Variants in TOR4A observed in about 807,000 individuals in gnomAD.
TOR4A encodes the protein torsin-4A.
Under a neutral mutation model 11.5 loss-of-function variants are expected in TOR4A, and 12 were observed. That is an observed-to-expected ratio of 1.04 (90% CI 0.67 to 1.69). TOR4A has a LOEUF of 1.69. Among genes scored for constraint, TOR4A ranks in the 40% most tolerant of loss-of-function variants. TOR4A has a pLI of 0.00. For synonymous variants in TOR4A, 362 were observed against 307.4 expected (o/e 1.18, Z -1.86); for missense variants, 640 against 643.2 (o/e 0.99, Z 0.05).
In TOR4A at chr9:137,278,996, C is replaced by T. The variant is rs1183498289; in HGVS notation, c.307C>T (p.Pro103Ser). ...KRRRSRLVLY[P>S]ETSRKYRPRV... ...CCGGCGCAGCCGCCTGGTGCTTTAC[C>T]CGGAGACCTCGCGCAAGTATCGGCC... is the stretch of plus-strand genomic sequence containing the variant. The change falls in exon 2 of 2, where the codon CCG becomes TCG. Residue 103 changes from proline (P) to serine (S), a missense_variant. Transcript: ENST00000357503. 2 of 1,606,748 alleles carry T rather than the reference C, an allele frequency of 1.2e-6. No homozygotes were observed. Among genetic ancestry groups the T allele is most frequent in the Non-Finnish European group, 1.7e-6 (2 of 1,177,580 alleles).
chr9:137,279,693 A>C lies in TOR4A; in HGVS notation c.1004A>C (p.Gln335Pro). 1 of 1,569,392 alleles carries C rather than the reference A, an allele frequency of 6.4e-7. No homozygotes were observed. Among genetic ancestry groups the C allele is most frequent in the South Asian group, 1.1e-5 (1 of 88,078 alleles). Reference protein sequence around the residue: ...GFRSAEAAAAQAEEDLRASLL... With the variant: ...GFRSAEAAAAPAEEDLRASLL... ...CGCAGTGCCGAGGCCGCAGCGGCGC[A>C]GGCGGAAGAAGACCTGCGCGCCAGC... Residue 335 changes from glutamine to proline, a missense_variant, in exon 2 of 2, where the codon CAG becomes CCG. Physicochemically the swap from Gln to Pro is moderately conservative, Grantham distance 76. Coordinates refer to ENST00000357503, the MANE Select transcript of TOR4A (RefSeq NM_017723.3).
At position 137,280,220 on chromosome 9, in the gene TOR4A, T is replaced by G; in HGVS notation, c.*259T>G. 1 of 574,284 alleles carries G rather than the reference T, an allele frequency of 1.7e-6. No homozygotes were observed. The highest frequency in any genetic ancestry group is 3.2e-6 in the Non-Finnish European group (1 of 314,470). 35.6% of individuals were successfully genotyped at this position (574,284 alleles called of 1,614,324 possible). ...GCTGGGCGTCCCAGGCATGGTCTGGTGCGTTCTCCCTGTGGCCCCAAGAGG... is the reference window on the plus strand; with the variant it reads ...GCTGGGCGTCCCAGGCATGGTCTGGGGCGTTCTCCCTGTGGCCCCAAGAGG... On this transcript the variant is annotated 3_prime_UTR_variant, in exon 2 of 2. Transcript: ENST00000357503.
chr9:137,278,969 C>G lies in TOR4A; in HGVS notation c.280C>G (p.Arg94Gly), dbSNP rs1051590759. 1.1e-5 allele frequency: 17 copies of G among 1,605,340 alleles called. No individual in the cohort carries two copies. In the African/African-American group the frequency reaches 1.9e-4, roughly 18 times the overall value. ...ACCCTCCAGGACGCCACGCAAGAAG[C>G]GCCGGCGCAGCCGCCTGGTGCTTTA... ...ELPSRTPRKK[R>G]RRSRLVLYPE... The change falls in exon 2 of 2, where the codon CGC (arginine) becomes GGC (glycine). Residue 94 changes from arginine (R) to glycine (G), a missense_variant. By Grantham distance (125) the Arg-to-Gly change is moderately radical. Coordinates refer to ENST00000357503, the MANE Select transcript of TOR4A (RefSeq NM_017723.3).
In TOR4A at chr9:137,279,354, T is replaced by G; in HGVS notation, c.665T>G (p.Leu222Arg). 1 of 1,529,672 alleles carries G rather than the reference T, an allele frequency of 6.5e-7. No homozygotes were observed. Among genetic ancestry groups the G allele is most frequent in the Non-Finnish European group, 8.8e-7 (1 of 1,141,608 alleles). The allele number at this position is 1,529,672 out of a possible 1,614,324, so 94.8% of individuals were successfully genotyped here. A position where few individuals can be genotyped will look rare whatever the true frequency, so the allele number is the denominator to read the frequency against. ...RSVLEDSALV[L>R]QYHARHHCPE... is the part of the protein sequence containing the mutation. ...GTGCTGGAGGACAGCGCGCTCGTGC[T>G]GCAATACCATGCGCGGCACCACTGC... The change falls in exon 2 of 2, where the codon CTG (leucine) becomes CGG (arginine). Residue 222 changes from leucine to arginine, a missense_variant. Coordinates refer to ENST00000357503, the MANE Select transcript of TOR4A (RefSeq NM_017723.3).
At position 137,279,422 on chromosome 9, in the gene TOR4A, C is replaced by G; in HGVS notation, c.733C>G (p.Arg245Gly). ...ACAGGACTGCCGCGAGGAGCTGGCG[C>G]GGCGCGTGGCCGACGTGGTGGCGCG... Reference protein sequence around the residue: ...AAQDCREELARRVADVVARAE... With the variant: ...AAQDCREELAGRVADVVARAE... Residue 245 changes from arginine (R) to glycine (G), a missense_variant, in exon 2 of 2, where the codon CGG becomes GGG. Physicochemically the swap from Arg to Gly is moderately radical, Grantham distance 125. Transcript: ENST00000357503. The G allele has an allele frequency of 1.3e-6, 2 of 1,534,424 alleles. No homozygotes were observed. Among genetic ancestry groups the G allele is most frequent in the Non-Finnish European group, 8.8e-7 (1 of 1,140,936 alleles).
At position 137,278,962 on chromosome 9, in the gene TOR4A, C is replaced by G; in HGVS notation, c.273C>G (p.Arg91=). The change falls in exon 2 of 2, where the codon CGC becomes CGG. Residue 91 remains arginine, a synonymous_variant. Coordinates refer to ENST00000357503, the MANE Select transcript of TOR4A (RefSeq NM_017723.3). ...CGGAGCTACCCTCCAGGACGCCACG[C>G]AAGAAGCGCCGGCGCAGCCGCCTGG... The part of the protein sequence containing the change: ...SPAELPSRTP[R]KKRRRSRLVL... 1.2e-6 allele frequency: 2 copies of G among 1,605,236 alleles called. No homozygotes were observed. The highest frequency in any genetic ancestry group is 1.7e-6 in the Non-Finnish European group (2 of 1,178,042).
Position 137,279,452 on chromosome 9 carries a change from G to A in TOR4A, c.763G>A (p.Glu255Lys), listed in dbSNP as rs1396163658. 3.2e-5 allele frequency: 50 copies of A among 1,543,046 alleles called. No homozygotes were observed. The Admixed American group carries it at 9.8e-4, about 30-fold the overall frequency. The change falls in exon 2 of 2, where the codon GAA (glutamate) becomes AAA (lysine). Residue 255 changes from glutamate (E) to lysine (K), a missense_variant. Coordinates refer to ENST00000357503, the MANE Select transcript of TOR4A (RefSeq NM_017723.3). ...CGTGGCCGACGTGGTGGCGCGGGCC[G>A]AAGCGGAGGAGAAGACCCCACTCTT... ...RRVADVVARA[E>K]AEEKTPLLVL...
intron 1 of TOR4A, 38 bp from the exon 2 acceptor site, chr9:137,278,615 G>A: frequency 8.3e-7 from 1 of 1,202,456 alleles, no homozygotes; most frequent in Non-Finnish European, 1.0e-6. Context: ...AAGGGCAGTG[G>A]CGGGAGTCCA....
In TOR4A at chr9:137,281,889, T is replaced by A. The variant is rs1830724354; in HGVS notation, c.*1928T>A. The A allele has an allele frequency of 6.0e-6, 1 of 167,110 alleles. No homozygotes were observed. The highest frequency in any genetic ancestry group is 2.1e-4 in the South Asian group (1 of 4,826). 10.4% of individuals were successfully genotyped at this position (167,110 alleles called of 1,614,324 possible). On this transcript the variant is annotated 3_prime_UTR_variant, in exon 2 of 2. Coordinates refer to ENST00000357503, the MANE Select transcript of TOR4A (RefSeq NM_017723.3). ...CCCACCTCTCCCAGGCGAGTATCTG[T>A]CCCAGGAGCCCACACAGAGGGACAC...
Position 137,280,132 on chromosome 9 carries a change from G to C in TOR4A, c.*171G>C, listed in dbSNP as rs562161645. The stretch of plus-strand genomic sequence containing the variant: ...CAGGTCCACACCCGCCTCAGAGTCC[G>C]GAGTCTGTCCCTGGGGGCGGCAGGA... On this transcript the variant is annotated 3_prime_UTR_variant, in exon 2 of 2. Coordinates refer to ENST00000357503, the MANE Select transcript of TOR4A (RefSeq NM_017723.3). 1.3e-5 allele frequency: 10 copies of C among 766,520 alleles called. No homozygotes were observed. The highest frequency in any genetic ancestry group is 1.7e-5 in the Non-Finnish European group (8 of 478,668). The allele number at this position is 766,520 out of a possible 1,614,324, so 47.5% of individuals were successfully genotyped here.
In TOR4A at chr9:137,279,808, C is replaced by G. The variant is rs760448708; in HGVS notation, c.1119C>G (p.Ser373Arg). The change falls in exon 2 of 2, where the codon AGC (serine) becomes AGG (arginine). Residue 373 changes from serine (S) to arginine (R), a missense_variant. Ser to Arg is a moderately radical substitution (Grantham distance 110). Transcript: ENST00000357503. ...FLLLDKRDVV[S>R]CFRDEMAGEG... ...TGCTGGACAAGCGGGATGTGGTCAG[C>G]TGCTTCCGGGACGAGATGGCGGGTG... is the stretch of plus-strand genomic sequence containing the variant. The G allele has an allele frequency of 2.5e-6, 4 of 1,597,940 alleles. 1 individual carries two copies. In the South Asian group the frequency reaches 4.5e-5, roughly 18 times the overall value.
At position 137,279,077 on chromosome 9, in the gene TOR4A, G is replaced by A; in HGVS notation, c.388G>A (p.Val130Met). 2 of 1,603,534 alleles carry A rather than the reference G, an allele frequency of 1.2e-6. 1 individual carries two copies. Among genetic ancestry groups the A allele is most frequent in the Middle Eastern group, 3.3e-4 (2 of 6,042 alleles). Residue 130 changes from valine (V) to methionine (M), a missense_variant, in exon 2 of 2, where the codon GTG becomes ATG. Coordinates refer to ENST00000357503, the MANE Select transcript of TOR4A (RefSeq NM_017723.3). Reference sequence around the variant, plus strand: ...CTGCCTTCTGCTGCTAGTCGCCATCGTGGGCTTCCAAGTTCTCAACGCTAT... The same window carrying A: ...CTGCCTTCTGCTGCTAGTCGCCATCATGGGCTTCCAAGTTCTCAACGCTAT... ...QRCLLLLVAI[V>M]GFQVLNAIEN...
At position 137,278,954 on chromosome 9, in the gene TOR4A, A is replaced by T. The variant is rs774004983; in HGVS notation, c.265A>T (p.Thr89Ser). The T allele has an allele frequency of 5.6e-6, 9 of 1,604,084 alleles. No individual in the cohort carries two copies. The highest frequency in any genetic ancestry group is 7.6e-6 in the Non-Finnish European group (9 of 1,178,028). The part of the protein sequence containing the change: ...FDSPAELPSR[T>S]PRKKRRRSRL... ...CAGCCCCGCGGAGCTACCCTCCAGG[A>T]CGCCACGCAAGAAGCGCCGGCGCAG... is the stretch of plus-strand genomic sequence containing the variant. Residue 89 changes from threonine (T) to serine (S), a missense_variant, in exon 2 of 2, where the codon ACG (threonine) becomes TCG (serine). Physicochemically the swap from Thr to Ser is moderately conservative, Grantham distance 58. Coordinates refer to ENST00000357503, the MANE Select transcript of TOR4A (RefSeq NM_017723.3).
chr9:137,278,258 G>A (rs1830667664), intron 1 of TOR4A, among the ~76,000 whole-genome samples: 1 of 152,176 alleles, frequency 6.6e-6, no homozygotes, highest in Non-Finnish European at 1.5e-5. Context: ...GCCCAGTCCA[G>A]TGGGAGCCGC....
rs1340569926 is a variant in TOR4A at position 137,279,731 on chromosome 9, C to G, written c.1042C>G (p.Leu348Val). 1.3e-6 allele frequency: 2 copies of G among 1,576,662 alleles called. No individual in the cohort carries two copies. Among genetic ancestry groups the G allele is most frequent in the African/African-American group, 1.3e-5 (1 of 74,636 alleles). The change falls in exon 2 of 2, where the codon CTG (leucine) becomes GTG (valine). Residue 348 changes from leucine (L) to valine (V), a missense_variant. Physicochemically the swap from Leu to Val is conservative, Grantham distance 32. Transcript: ENST00000357503. ...CCTGCGCGCCAGCCTGCTGGCTGTG[C>G]TGTCCCGGGAGCATCCGCTGTGGCA... ...EDLRASLLAV[L>V]SREHPLWQAA...
In TOR4A at chr9:137,278,846, G is replaced by T; in HGVS notation, c.157G>T (p.Val53Phe). The change falls in exon 2 of 2, where the codon GTC (valine) becomes TTC (phenylalanine). Residue 53 changes from valine to phenylalanine, a missense_variant. Val to Phe is a conservative substitution (Grantham distance 50). Transcript: ENST00000357503. ...RLLQPGGGPD[V>F]GTGAPRPGCS... ...CCTGCAGCCGGGTGGGGGGCCCGACGTCGGGACCGGGGCGCCCAGGCCGGG... is the reference window on the plus strand; with the variant it reads ...CCTGCAGCCGGGTGGGGGGCCCGACTTCGGGACCGGGGCGCCCAGGCCGGG... 6.6e-7 allele frequency: 1 copy of T among 1,506,104 alleles called. No individual in the cohort carries two copies. Among genetic ancestry groups the T allele is most frequent in the Non-Finnish European group, 8.8e-7 (1 of 1,136,338 alleles). 93.3% of individuals were successfully genotyped at this position (1,506,104 alleles called of 1,614,324 possible).
rs1830714502 is a variant in TOR4A at position 137,281,245 on chromosome 9, T to TCGAGGTGGGGGCACCGC, written c.*1285_*1301dup. On this transcript the variant is annotated 3_prime_UTR_variant, in exon 2 of 2. Coordinates refer to ENST00000357503, the MANE Select transcript of TOR4A (RefSeq NM_017723.3). ...GGTTTCACGCCGGTGCGGGGCGCCG[T>TCGAGGTGGGGGCACCGC]CGAGGTGGGGGCACCGCGAAGGTGG... is the stretch of plus-strand genomic sequence containing the variant. 6.0e-6 allele frequency: 1 copy of TCGAGGTGGGGGCACCGC among 165,364 alleles called. No homozygotes were observed. The allele number at this position is 165,364 out of a possible 1,614,324, so 10.2% of individuals were successfully genotyped here.
Position 137,281,897 on chromosome 9 carries a change from G to A in TOR4A, c.*1936G>A, listed in dbSNP as rs1830724378. The A allele has an allele frequency of 6.0e-6, 1 of 167,178 alleles. No homozygotes were observed. Among genetic ancestry groups the A allele is most frequent in the South Asian group, 2.1e-4 (1 of 4,832 alleles). 10.4% of individuals were successfully genotyped at this position (167,178 alleles called of 1,614,324 possible). A position where few individuals can be genotyped will look rare whatever the true frequency, so the allele number is the denominator to read the frequency against. ...TCCCAGGCGAGTATCTGTCCCAGGA[G>A]CCCACACAGAGGGACACCCAGCTCT... On this transcript the variant is annotated 3_prime_UTR_variant, in exon 2 of 2. Transcript: ENST00000357503.
rs1830711662 is a variant in TOR4A, at chr9:137,281,015, C to G, written c.*1054C>G. 6.0e-6 allele frequency: 1 copy of G among 166,572 alleles called. No individual in the cohort carries two copies. The highest frequency in any genetic ancestry group is 2.4e-5 in the African/African-American group (1 of 41,458). 10.3% of individuals were successfully genotyped at this position (166,572 alleles called of 1,614,324 possible). ...TGGGACGCACCCGGCAGCCCCGCTGCTGCCGCCTTGTGGCGCGCCCGGCCC... is the reference window on the plus strand; with the variant it reads ...TGGGACGCACCCGGCAGCCCCGCTGGTGCCGCCTTGTGGCGCGCCCGGCCC... On this transcript the variant is annotated 3_prime_UTR_variant, in exon 2 of 2. Transcript: ENST00000357503.
Sources: allele counts gnomAD v4.1 joint callset (sites outside exome capture counted in the v4.1 genomes callset), GRCh38; gene constraint gnomAD v4.1.1; transcripts MANE v1.5; gene names NCBI Gene and HGNC (gene_info 2026-07-23, HGNC 2026-07-21).